Variants in MID1 observed in about 807,000 individuals in gnomAD.
MID1 encodes E3 ubiquitin-protein ligase Midline-1.
MID1 carries 7 observed loss-of-function variants against 40.4 expected under a neutral mutation model. The ratio of observed to expected loss-of-function variants is 0.17; its 90% CI spans 0.10 to 0.33. The LOEUF (loss-of-function observed/expected upper bound fraction) is 0.33, where lower values mean the gene tolerates loss of function less well. MID1 is among the 10% of genes least tolerant of loss of function. The pLI, the probability that MID1 is intolerant of heterozygous loss-of-function variation, is 1.00. For synonymous variants in MID1, 229 were observed against 221.2 expected (o/e 1.04, Z -0.31); for missense variants, 367 against 558.5 (o/e 0.66, Z 3.46).
intron 1 of MID1, among the ~76,000 whole-genome samples, chrX:10,816,807 T>A (rs2044138564): frequency 8.9e-6 from 1 of 111,984 alleles, no homozygotes; most frequent in Non-Finnish European, 1.9e-5. Flanking sequence ...AAATGGAACT[T>A]GAGAGCATGT....
chrX:10,529,290 T>C (rs773170809), intron 2 of MID1, among the ~76,000 whole-genome samples: 46 of 111,955 alleles, frequency 4.1e-4, no homozygotes, highest in Non-Finnish European at 7.3e-4. Flanking sequence ...AAATGATTTG[T>C]TCTGTAGATT....
intron 1 of MID1, among the ~76,000 whole-genome samples, chrX:10,820,705 G>A (rs1309501871): frequency 8.9e-6 from 1 of 111,836 alleles, no homozygotes; most frequent in Middle Eastern, 4.2e-3. Context: ...TTGTATCAAA[G>A]TAAAGTTTGC....
intron 1 of MID1, among the ~76,000 whole-genome samples, chrX:10,698,654 T>G (rs2043175794): frequency 9.6e-6 from 1 of 104,270 alleles, no homozygotes; most frequent in South Asian, 4.3e-4. Flanking sequence ...CACCACAAAA[T>G]ATGCTACTTT....
intron 1 of MID1, among the ~76,000 whole-genome samples, chrX:10,735,196 G>A (rs996213269): frequency 2.7e-5 from 3 of 112,186 alleles, no homozygotes; most frequent in Non-Finnish European, 5.6e-5. Flanking sequence ...TCCACCTCTC[G>A]GGTTCAAGCA....
At chrX:10,701,638 C>T (rs150726194) in intron 1 of MID1, among the ~76,000 whole-genome samples, 2,148 of 112,113 alleles carry the variant, frequency 0.019, 50 homozygotes, top group African/African-American at 0.066. Flanking sequence ...TTTGTGTGCC[C>T]AATACCAAGG....
chrX:10,564,170 AG>A (rs1277408373), intron 2 of MID1, among the ~76,000 whole-genome samples: 1 of 112,117 alleles, frequency 8.9e-6, no homozygotes, highest in Admixed American at 9.5e-5. Flanking sequence ...GAGATCCTAG[AG>A]CTACAGAAAA....
chrX:10,479,000 G>A (rs1225389664), intron 5 of MID1, among the ~76,000 whole-genome samples: 1 of 111,577 alleles, frequency 9.0e-6, no homozygotes, highest in Non-Finnish European at 1.9e-5. Flanking sequence ...ATAGGGGCAG[G>A]TAGACAGAGA....
At chrX:10,738,927 C>A (rs1406992074) in intron 1 of MID1, among the ~76,000 whole-genome samples, 2 of 101,711 alleles carry the variant, frequency 2.0e-5, no homozygotes, top group Admixed American at 2.2e-4. Flanking sequence ...ATCCTCACAG[C>A]ATAGCAATTT....
At position 10,446,955 on chromosome X, in the gene MID1, T is replaced by C. The variant is rs1419020169; in HGVS notation, c.*2413A>G. The C allele has an allele frequency of 1.8e-5, 2 of 112,172 alleles. No individual in the cohort carries two copies. The highest frequency in any genetic ancestry group is 6.5e-5 in the African/African-American group (2 of 30,818). The allele number at this position is 112,172 out of a possible 1,213,427, so 9.2% of individuals were successfully genotyped here. A position where few individuals can be genotyped will look rare whatever the true frequency, so the allele number is the denominator to read the frequency against. On this transcript the variant is annotated 3_prime_UTR_variant, in exon 10 of 10. Coordinates refer to ENST00000317552, the MANE Select transcript of MID1 (RefSeq NM_000381.4). ...GTGACCTCAATCAGTTTAAAGAGAA[T>C]GCAAAATTACACTGCAGCAAATTTT...
At chrX:10,562,371 T>TAAAAAAA (rs760465620) in intron 2 of MID1, among the ~76,000 whole-genome samples, 3 of 44,879 alleles carry the variant, frequency 6.7e-5, no homozygotes, top group Admixed American at 2.8e-4. Flanking sequence ...GAACTTAAAG[T>TAAAAAAA]AAAAAAAAAA....
intron 1 of MID1, among the ~76,000 whole-genome samples, chrX:10,827,768 G>A (rs886565892): frequency 9.0e-6 from 1 of 111,201 alleles, no homozygotes; most frequent in Non-Finnish European, 1.9e-5. Flanking sequence ...TGCAGAGAAA[G>A]AAGCTCTTTA....
chrX:10,734,424 G>A (rs1203483487), intron 1 of MID1, among the ~76,000 whole-genome samples: 1 of 110,251 alleles, frequency 9.1e-6, no homozygotes, highest in Non-Finnish European at 1.9e-5. Context: ...GAGCAGAAAA[G>A]AAAACTATTG....
intron 1 of MID1, among the ~76,000 whole-genome samples, chrX:10,613,762 G>GACAGACAGACAGACAGAC (rs1409240486): frequency 4.6e-5 from 4 of 86,114 alleles, no homozygotes; most frequent in Admixed American, 2.6e-4. Context: ...GAGAGAGAGA[G>GACAGACAGACAGACAGAC]AGAGAGACAG....
chrX:10,489,444 C>T lies in MID1; in HGVS notation c.864+6140G>A, dbSNP rs550092736. Among the ~76,000 whole-genome samples, 26 of 112,165 alleles carry T rather than the reference C, an allele frequency of 2.3e-4. No individual in the cohort carries two copies. In the South Asian group the frequency reaches 8.8e-3, roughly 38 times the overall value. On this transcript the variant is annotated intron_variant, in intron 4 of 9. Transcript: ENST00000317552. ...GTATGGATCAAACTTCATATTCTTA[C>T]ATACAGATATCCAATTGCTCCAGCA...
rs1386225635 is a variant in MID1 at position 10,562,654 on chromosome X, C to A, written c.660+4234G>T. ...ACATATTTGTAACTTCAAAAAAAAACCCCTTCAAGATAAGACTCTTCCCAC... is the reference window on the plus strand; with the variant it reads ...ACATATTTGTAACTTCAAAAAAAAAACCCTTCAAGATAAGACTCTTCCCAC... On this transcript the variant is annotated intron_variant, in intron 2 of 9. Coordinates refer to ENST00000317552, the MANE Select transcript of MID1 (RefSeq NM_000381.4). 5.7e-5 allele frequency among the ~76,000 whole-genome samples: 6 copies of A among 105,272 alleles called. 1 individual carries two copies. Among genetic ancestry groups the A allele is most frequent in the African/African-American group, 1.5e-4 (4 of 26,232 alleles). The allele number at this position is 105,272 out of a possible 115,157, so 91.4% of individuals were successfully genotyped here.
chrX:10,616,810 A>C (rs1295123231), intron 1 of MID1, among the ~76,000 whole-genome samples: 2 of 113,060 alleles, frequency 1.8e-5, no homozygotes, highest in East Asian at 5.5e-4. Flanking sequence ...AAATTTTAAC[A>C]TATGTTGAAG....
chrX:10,663,306 CT>C (rs1198910186), intron 1 of MID1, among the ~76,000 whole-genome samples: 1 of 110,943 alleles, frequency 9.0e-6, no homozygotes, highest in Non-Finnish European at 1.9e-5. Flanking sequence ...CCCTTCACCC[CT>C]AGCCCCTTGC....
chrX:10,796,689 C>A (rs2043970466), intron 1 of MID1, among the ~76,000 whole-genome samples: 1 of 110,262 alleles, frequency 9.1e-6, no homozygotes, highest in Non-Finnish European at 1.9e-5. Context: ...AGGTGCGTAC[C>A]TAGCATTCTT....
intron 1 of MID1, among the ~76,000 whole-genome samples, chrX:10,675,988 C>T (rs1196805774): frequency 2.7e-5 from 3 of 112,079 alleles, no homozygotes; most frequent in South Asian, 3.8e-4. Context: ...CTTGAACTTG[C>T]GCTAGGTACT....
Sources: gnomAD v4.1 joint callset for allele counts (sites outside exome capture counted in the v4.1 genomes callset) on GRCh38, gnomAD v4.1.1 for gene constraint, MANE v1.5 for transcripts, NCBI Gene and HGNC (gene_info 2026-07-23, HGNC 2026-07-21) for gene names.